The following COG5 variants were observed in gnomAD, a reference collection of about 807,000 sequenced individuals.
The protein encoded by COG5 is conserved oligomeric Golgi complex subunit 5.
A neutral mutation model predicts 110.4 loss-of-function variants in COG5; 86 were observed. That is an observed-to-expected ratio of 0.78 (90% CI 0.65 to 0.93). The LOEUF is 0.93. Ranked by LOEUF, COG5 falls within the 40% of genes least tolerant of loss-of-function variation. COG5 has a pLI of 0.00. For synonymous variants in COG5, 360 were observed against 334.6 expected (o/e 1.08, Z -0.83); for missense variants, 1,077 against 987.0 (o/e 1.09, Z -1.22).
At chr7:107,553,388 C>T (rs879703066) in intron 3 of COG5, among the ~76,000 whole-genome samples, 4 of 152,178 alleles carry the variant, frequency 2.6e-5, no homozygotes, top group Non-Finnish European at 1.5e-5. Flanking sequence ...CTAAGTTCTT[C>T]ATCAGGGTAT....
chr7:107,432,048 G>C (rs955563071), intron 6 of COG5, among the ~76,000 whole-genome samples: 1 of 152,156 alleles, frequency 6.6e-6, no homozygotes, highest in Non-Finnish European at 1.5e-5. Context: ...GTGTGTGTGT[G>C]CATGAACATT....
intron 16 of COG5, among the ~76,000 whole-genome samples, chr7:107,254,537 TTC>T (rs1802745076): frequency 6.6e-6 from 1 of 152,134 alleles, no homozygotes. Flanking sequence ...ACTGCTAGTC[TTC>T]TGTTATCGAG....
At chr7:107,291,641 C>G (rs1196288880) in intron 12 of COG5, among the ~76,000 whole-genome samples, 1 of 152,264 alleles carries the variant, frequency 6.6e-6, no homozygotes, top group Admixed American at 6.5e-5. Flanking sequence ...ATACTAAACT[C>G]CATTAACTGA....
At chr7:107,432,099 T>C (rs530666331) in intron 6 of COG5, among the ~76,000 whole-genome samples, 3 of 152,342 alleles carry the variant, frequency 2.0e-5, no homozygotes, top group Admixed American at 2.0e-4. Flanking sequence ...AATGATCCTT[T>C]GTACCCATTA....
At chr7:107,562,573 T>C (rs966186421) in intron 1 of COG5, among the ~76,000 whole-genome samples, 7 of 152,192 alleles carry the variant, frequency 4.6e-5, no homozygotes, top group Non-Finnish European at 8.8e-5. Flanking sequence ...AGGGCAAAAA[T>C]TGCACGTGTA....
At chr7:107,402,312 C>T (rs1791495949) in intron 7 of COG5, among the ~76,000 whole-genome samples, 1 of 152,124 alleles carries the variant, frequency 6.6e-6, no homozygotes, top group African/African-American at 2.4e-5. Context: ...GAGATTATAG[C>T]CAGGTACCAA....
At chr7:107,431,369 G>A (rs200801171) in intron 6 of COG5, among the ~76,000 whole-genome samples, 3 of 152,152 alleles carry the variant, frequency 2.0e-5, no homozygotes, top group South Asian at 2.1e-4. Context: ...CAAAAAATCA[G>A]TAAAGATATC....
At chr7:107,397,182 CA>C (rs949848163) in intron 7 of COG5, among the ~76,000 whole-genome samples, 1 of 152,180 alleles carries the variant, frequency 6.6e-6, no homozygotes, top group Non-Finnish European at 1.5e-5. Flanking sequence ...GACATAAGGA[CA>C]TGTTGGCTTA....
intron 19 of COG5, among the ~76,000 whole-genome samples, chr7:107,219,983 A>C (rs1419632132): frequency 1.3e-5 from 2 of 152,218 alleles, no homozygotes; most frequent in African/African-American, 4.8e-5. Flanking sequence ...TAAAAATCCT[A>C]TGAGTTAGGT....
intron 19 of COG5, among the ~76,000 whole-genome samples, chr7:107,216,134 G>A (rs1450617553): frequency 2.6e-5 from 4 of 152,022 alleles, no homozygotes; most frequent in African/African-American, 7.2e-5. Context: ...ATAGACTTAA[G>A]CTCAAAGCAA....
intron 14 of COG5, 86 bp from the exon 15 acceptor site, chr7:107,258,469 C>CA (rs1803063019): frequency 2.5e-6 from 2 of 796,546 alleles, no homozygotes; most frequent in East Asian, 4.9e-5. Context: ...CACATACACA[C>CA]ACACACACAC....
chr7:107,545,580 G>T (rs566222026), intron 5 of COG5, among the ~76,000 whole-genome samples: 1 of 152,154 alleles, frequency 6.6e-6, no homozygotes, highest in East Asian at 1.9e-4. Context: ...AGGAGTTCGA[G>T]ACCAGCCTGG....
chr7:107,552,443 A>G (rs1802974236), intron 3 of COG5, among the ~76,000 whole-genome samples: 1 of 152,058 alleles, frequency 6.6e-6, no homozygotes, highest in Non-Finnish European at 1.5e-5. Flanking sequence ...CAAAAACACA[A>G]CTCCATTAAA....
At chr7:107,445,733 G>A (rs965366140) in intron 6 of COG5, among the ~76,000 whole-genome samples, 2 of 152,130 alleles carry the variant, frequency 1.3e-5, no homozygotes, top group African/African-American at 4.8e-5. Context: ...ACGATGAAAA[G>A]CATTTAAGTA....
intron 17 of COG5, among the ~76,000 whole-genome samples, chr7:107,245,591 T>C (rs1383002802): frequency 1.3e-5 from 2 of 151,958 alleles, no homozygotes. Context: ...GAAAGCTAAA[T>C]CAGAAAGGCA....
chr7:107,447,462 A>C lies in COG5; in HGVS notation c.539-34830T>G, dbSNP rs111313045. Among the ~76,000 whole-genome samples the C allele has an allele frequency of 3.0e-3, 460 of 152,328 alleles. 5 individuals carry two copies. Among genetic ancestry groups the C allele is most frequent in the African/African-American group, 0.01 (432 of 41,584 alleles). On this transcript the variant is annotated intron_variant, in intron 6 of 21. Transcript: ENST00000297135. Reference sequence around the variant, plus strand: ...TAATTTCATAAATGTTTGTTGTTTTAAACTTTCACTTTGTCACACGATAAT... The same window carrying C: ...TAATTTCATAAATGTTTGTTGTTTTCAACTTTCACTTTGTCACACGATAAT...
intron 6 of COG5, among the ~76,000 whole-genome samples, chr7:107,517,918 G>A (rs1029665201): frequency 2.6e-5 from 4 of 151,928 alleles, no homozygotes; most frequent in East Asian, 1.9e-4. Context: ...GGCTGGTCTC[G>A]AACTCCTGAC....
intron 21 of COG5, chr7:107,208,942 C>T: frequency 1.0e-6 from 1 of 984,490 alleles, no homozygotes; most frequent in Non-Finnish European, 1.2e-6. Flanking sequence ...TTGGCTGCAC[C>T]CTGGACCTTC....
intron 5 of COG5, among the ~76,000 whole-genome samples, chr7:107,546,771 T>C (rs976788552): frequency 2.6e-5 from 4 of 152,098 alleles, no homozygotes; most frequent in Non-Finnish European, 5.9e-5. Context: ...ACAAACTGGA[T>C]AACTTAGAAG....
Sources: gnomAD v4.1 joint callset for allele counts (sites outside exome capture counted in the v4.1 genomes callset) on GRCh38, gnomAD v4.1.1 for gene constraint, MANE v1.5 for transcripts, NCBI Gene and HGNC (gene_info 2026-07-23, HGNC 2026-07-21) for gene names.